The following PHACTR1 variants were observed in gnomAD, a reference collection of about 807,000 sequenced individuals.
PHACTR1 encodes phosphatase and actin regulator 1, also known as RPEL repeat containing 1.
PHACTR1 carries 16 observed loss-of-function variants against 69.2 expected under a neutral mutation model. That is an observed-to-expected ratio of 0.23 (90% CI 0.16 to 0.35). PHACTR1 has a LOEUF of 0.35. PHACTR1 is among the 10% of genes least tolerant of loss of function. The pLI is 1.00. For missense variants in PHACTR1, 510 were observed against 734.7 expected, an observed-to-expected ratio of 0.69 and a Z score of 3.54; for synonymous variants, 312 against 284.5, an observed-to-expected ratio of 1.10 and a Z score of -0.97.
At chr6:12,844,257 T>C (rs1778979787) in intron 4 of PHACTR1, among the ~76,000 whole-genome samples, 1 of 151,942 alleles carries the variant, frequency 6.6e-6, no homozygotes, top group African/African-American at 2.4e-5. Context: ...GTTAGCCGAA[T>C]GTAGCAGTAC....
intron 4 of PHACTR1, among the ~76,000 whole-genome samples, chr6:12,938,844 C>T (rs1402623366): frequency 2.0e-5 from 3 of 151,994 alleles, no homozygotes; most frequent in Non-Finnish European, 4.4e-5. Context: ...TTTCACTTGG[C>T]CTAATTATTT....
chr6:13,249,221 C>T (rs181711082), intron 10 of PHACTR1, among the ~76,000 whole-genome samples: 34 of 152,172 alleles, frequency 2.2e-4, no homozygotes, highest in Admixed American at 1.8e-3. Context: ...ACTGCCTGAG[C>T]CCTGCCTCCT....
chr6:13,182,790 C>G (rs1032821489), intron 7 of PHACTR1, 104 bp downstream of exon 7: 4 of 1,190,668 alleles, frequency 3.4e-6, no homozygotes, highest in South Asian at 4.2e-5. Flanking sequence ...TTGGACTATC[C>G]TGAGCGTAAG....
At chr6:13,041,516 A>G (rs770662999) in intron 4 of PHACTR1, among the ~76,000 whole-genome samples, 4 of 152,206 alleles carry the variant, frequency 2.6e-5, no homozygotes, top group Admixed American at 6.5e-5. Context: ...AATGGGAGCT[A>G]CATAAGGAAA....
At chr6:13,042,840 G>A (rs1804400790) in intron 4 of PHACTR1, among the ~76,000 whole-genome samples, 1 of 152,128 alleles carries the variant, frequency 6.6e-6, no homozygotes, top group Non-Finnish European at 1.5e-5. Context: ...ATCTTTATAA[G>A]TCTGTATTAT....
chr6:12,962,382 A>G (rs1173184800), intron 4 of PHACTR1, among the ~76,000 whole-genome samples: 2 of 152,188 alleles, frequency 1.3e-5, no homozygotes, highest in Non-Finnish European at 2.9e-5. Flanking sequence ...TGAATTTAGG[A>G]GGGAGCACAA....
intron 4 of PHACTR1, among the ~76,000 whole-genome samples, chr6:12,876,829 T>A (rs1382204013): frequency 6.6e-6 from 1 of 152,184 alleles, no homozygotes; most frequent in Non-Finnish European, 1.5e-5. Context: ...AATTTGCATC[T>A]GTAAGCTGGA....
At chr6:13,121,787 C>T (rs1818778533) in intron 5 of PHACTR1, among the ~76,000 whole-genome samples, 1 of 152,132 alleles carries the variant, frequency 6.6e-6, no homozygotes, top group South Asian at 2.1e-4. Context: ...CCCAGGGCTG[C>T]AGCAATCTTC....
chr6:13,077,742 C>T lies in PHACTR1; in HGVS notation c.415+24213C>T, dbSNP rs372646030. On this transcript the variant is annotated intron_variant, in intron 5 of 14. Coordinates refer to ENST00000332995, the MANE Select transcript of PHACTR1 (RefSeq NM_030948.6). ...CCAGGGAGGCTAGTTAGGGGGCTATCGTAGCAGTCTAGGCAAGAGACATTG... is the reference window on the plus strand; with the variant it reads ...CCAGGGAGGCTAGTTAGGGGGCTATTGTAGCAGTCTAGGCAAGAGACATTG... Among the ~76,000 whole-genome samples the T allele has an allele frequency of 1.4e-4, 22 of 152,116 alleles. 1 individual carries two copies. In the South Asian group the frequency reaches 2.1e-3, roughly 14 times the overall value.
rs551996999 is a variant in PHACTR1, at chr6:13,200,302, CT to C, written c.665-5512del. 3.3e-3 allele frequency among the ~76,000 whole-genome samples: 498 copies of C among 152,248 alleles called. 2 individuals carry two copies. The highest frequency in any genetic ancestry group is 0.011 in the African/African-American group (473 of 41,532). ...CTCGGCTCACTGCAACCTCCACCTC[CT>C]GGGTTCAAGCGATTCTCCTGCCTCA... is the stretch of plus-strand genomic sequence containing the variant. On this transcript the variant is annotated intron_variant, in intron 7 of 14. Coordinates refer to ENST00000332995, the MANE Select transcript of PHACTR1 (RefSeq NM_030948.6).
chr6:13,076,025 A>ATTTTTTTT (rs1449439163), intron 5 of PHACTR1, among the ~76,000 whole-genome samples: 1 of 115,550 alleles, frequency 8.7e-6, no homozygotes. Flanking sequence ...GCAAGGGAGC[A>ATTTTTTTT]TCTTTTTTTT....
chr6:12,749,787 G>A lies in PHACTR1; in HGVS notation c.247G>A (p.Ala83Thr), dbSNP rs749597463. Residue 83 changes from alanine (A) to threonine (T), a missense_variant, in exon 4 of 15, where the codon GCA (alanine) becomes ACA (threonine). Ala to Thr is a moderately conservative substitution (Grantham distance 58). This residue lies in a region of PHACTR1 where 419 missense variants were observed against 530.9 expected (regional missense o/e 0.79). Transcript: ENST00000332995. ...AEARISFNLG[A>T]AEEVERLAAM... ...GGCCAGGATCTCCTTTAACCTGGGG[G>A]CAGGTAAGAACGCCCCTGGCGCCGC... 1.3e-6 allele frequency: 2 copies of A among 1,598,710 alleles called. No homozygotes were observed. The highest frequency in any genetic ancestry group is 1.3e-5 in the African/African-American group (1 of 74,668).
intron 7 of PHACTR1, among the ~76,000 whole-genome samples, chr6:13,203,059 C>T (rs932817134): frequency 8.5e-5 from 13 of 152,194 alleles, no homozygotes; most frequent in African/African-American, 1.7e-4. Flanking sequence ...TGTGTCTCAG[C>T]GGTAGGATCA....
intron 3 of PHACTR1, among the ~76,000 whole-genome samples, chr6:12,746,336 C>T (rs759347140): frequency 2.0e-5 from 3 of 152,176 alleles, no homozygotes; most frequent in Non-Finnish European, 4.4e-5. Context: ...GAGTTTGAGA[C>T]CAGCTACGTC....
intron 8 of PHACTR1, among the ~76,000 whole-genome samples, chr6:13,219,344 G>T (rs1014891233): frequency 6.6e-6 from 1 of 152,172 alleles, no homozygotes; most frequent in Non-Finnish European, 1.5e-5. Flanking sequence ...CTCGTTAGTG[G>T]GAGCGACAGG....
chr6:12,973,264 A>G (rs1366724738), intron 4 of PHACTR1, among the ~76,000 whole-genome samples: 1 of 152,174 alleles, frequency 6.6e-6, no homozygotes, highest in Non-Finnish European at 1.5e-5. Context: ...TTTATTTATA[A>G]CAACAAAAGC....
At chr6:13,281,722 C>G (rs1413482687) in intron 12 of PHACTR1, among the ~76,000 whole-genome samples, 1 of 152,226 alleles carries the variant, frequency 6.6e-6, no homozygotes, top group East Asian at 1.9e-4. Context: ...AGCACAAAAT[C>G]TCCCTGCACT....
chr6:13,028,921 A>C (rs1254453282), intron 4 of PHACTR1, among the ~76,000 whole-genome samples: 2 of 152,212 alleles, frequency 1.3e-5, no homozygotes, highest in African/African-American at 4.8e-5. Context: ...AGATTGAGGA[A>C]GGGAGAAATG....
intron 4 of PHACTR1, among the ~76,000 whole-genome samples, chr6:12,784,807 C>T (rs924664210): frequency 2.6e-5 from 4 of 151,856 alleles, no homozygotes; most frequent in Non-Finnish European, 4.4e-5. Flanking sequence ...CTCCACCTCC[C>T]GGATTCAAGT....
Sources: allele counts gnomAD v4.1 joint callset (sites outside exome capture counted in the v4.1 genomes callset), GRCh38; gene constraint gnomAD v4.1.1; regional missense constraint gnomAD v4.1.1; transcripts MANE v1.5; gene names NCBI Gene and HGNC (gene_info 2026-07-23, HGNC 2026-07-21).